The following QTMAN variants were observed in gnomAD, a reference collection of about 807,000 sequenced individuals.
QTMAN encodes the protein queuosine-tRNA mannosyltransferase, also known as tRNA-queuosine alpha-mannosyltransferase.
At chr2:144,006,988 A>G in the QTMAN span, 7 of 436,532 alleles carry the variant, frequency 1.6e-5, no homozygotes, top group African/African-American at 1.0e-4. Context: ...TGTAATTCAA[A>G]TTTAATCTAA....
chr2:144,156,839 T>C, the QTMAN span, among the ~76,000 whole-genome samples: 1 of 152,070 alleles, frequency 6.6e-6, no homozygotes, highest in African/African-American at 2.4e-5. Context: ...GGGTCTCACC[T>C]AGCATGAAAC....
the QTMAN span, among the ~76,000 whole-genome samples, chr2:144,117,164 TC>T: frequency 1.3e-5 from 2 of 152,200 alleles, no homozygotes; most frequent in East Asian, 3.9e-4. Context: ...GGCCTACCTA[TC>T]CTGACTCTCC....
At chr2:144,118,438 C>T in the QTMAN span, among the ~76,000 whole-genome samples, 2 of 152,112 alleles carry the variant, frequency 1.3e-5, no homozygotes, top group African/African-American at 2.4e-5. Flanking sequence ...CTGGCTATTA[C>T]CGAGATTAAA....
the QTMAN span, among the ~76,000 whole-genome samples, chr2:144,268,356 G>A: frequency 1.1e-4 from 17 of 152,124 alleles, no homozygotes; most frequent in Non-Finnish European, 2.4e-4. Flanking sequence ...AAATTACCCA[G>A]GCTCAGGTAT....
the QTMAN span, among the ~76,000 whole-genome samples, chr2:144,104,110 C>T: frequency 7.9e-5 from 12 of 151,852 alleles, no homozygotes; most frequent in East Asian, 1.2e-3. Context: ...TAAATAAAGC[C>T]GGGGGAGGGG....
the QTMAN span, among the ~76,000 whole-genome samples, chr2:144,263,157 C>T: frequency 2.2e-4 from 34 of 151,758 alleles, no homozygotes; most frequent in Admixed American, 4.6e-4. Flanking sequence ...TGCTCCCTTC[C>T]CTATGTCCCT....
At chr2:144,160,812 C>A in the QTMAN span, among the ~76,000 whole-genome samples, 1 of 152,110 alleles carries the variant, frequency 6.6e-6, no homozygotes, top group East Asian at 1.9e-4. Flanking sequence ...TTTAAGGCAG[C>A]CACTTTCTCA....
chr2:144,202,084 G>T, the QTMAN span, among the ~76,000 whole-genome samples: 1 of 152,256 alleles, frequency 6.6e-6, no homozygotes, highest in African/African-American at 2.4e-5. Context: ...AAACACCAGG[G>T]CCTGAACAAC....
At chr2:144,109,644 T>C in the QTMAN span, among the ~76,000 whole-genome samples, 1 of 151,568 alleles carries the variant, frequency 6.6e-6, no homozygotes, top group East Asian at 1.9e-4. Flanking sequence ...TGCAATCTAC[T>C]CATCTGACAA....
chr2:144,202,431 T>C, the QTMAN span, among the ~76,000 whole-genome samples: 3 of 152,236 alleles, frequency 2.0e-5, no homozygotes, highest in African/African-American at 7.2e-5. Context: ...TCCTGTCATA[T>C]GGAGAACTAA....
At chr2:144,049,124 T>A in the QTMAN span, among the ~76,000 whole-genome samples, 1 of 152,288 alleles carries the variant, frequency 6.6e-6, no homozygotes, top group Admixed American at 6.5e-5. Flanking sequence ...AAAAAATCAC[T>A]ATACAATACA....
At chr2:143,983,468 G>GTTTTTT in the QTMAN span, among the ~76,000 whole-genome samples, 19 of 115,978 alleles carry the variant, frequency 1.6e-4, no homozygotes, top group South Asian at 2.9e-4. Flanking sequence ...CATTTTTGAG[G>GTTTTTT]TTTTTTTTTT....
chr2:144,308,656 G>T, the QTMAN span, among the ~76,000 whole-genome samples: 2 of 152,054 alleles, frequency 1.3e-5, no homozygotes, highest in Middle Eastern at 6.8e-3. Context: ...TTTACAACCT[G>T]GTATTAATCA....
At chr2:143,969,661 G>A in the QTMAN span, among the ~76,000 whole-genome samples, 16 of 152,292 alleles carry the variant, frequency 1.1e-4, no homozygotes, top group South Asian at 2.1e-4. Context: ...AAGCTTTACA[G>A]CGAAAGAAAA....
At chr2:144,061,053 T>C in the QTMAN span, among the ~76,000 whole-genome samples, 1 of 152,272 alleles carries the variant, frequency 6.6e-6, no homozygotes, top group Non-Finnish European at 1.5e-5. Context: ...CAATACAGTG[T>C]CCTTGTTAAG....
the QTMAN span, among the ~76,000 whole-genome samples, chr2:144,304,175 G>A: frequency 1.3e-5 from 2 of 152,166 alleles, no homozygotes; most frequent in African/African-American, 2.4e-5. Flanking sequence ...GACGGACTTC[G>A]TTGACCATGC....
the QTMAN span, chr2:144,208,459 GCTCT>G: frequency 1.5e-6 from 1 of 676,322 alleles, no homozygotes; most frequent in Non-Finnish European, 2.5e-6. Flanking sequence ...CCACTGCTCT[GCTCT>G]CTCTAAAGAA....
chr2:144,036,234 GC>G, the QTMAN span, among the ~76,000 whole-genome samples: 1 of 152,110 alleles, frequency 6.6e-6, no homozygotes, highest in Non-Finnish European at 1.5e-5. Flanking sequence ...ATTTAAGCTT[GC>G]CTCTCTTGAA....
chr2:144,071,448 T>C, the QTMAN span, among the ~76,000 whole-genome samples: 5 of 152,292 alleles, frequency 3.3e-5, no homozygotes, highest in African/African-American at 1.2e-4. Context: ...CTACCCTTTT[T>C]TAGATTGGGC....
Sources: allele counts gnomAD v4.1 joint callset (sites outside exome capture counted in the v4.1 genomes callset), GRCh38; gene constraint gnomAD v4.1.1; transcripts MANE v1.5; gene names NCBI Gene and HGNC (gene_info 2026-07-23, HGNC 2026-07-21).